Variants in TLR7 observed in about 807,000 individuals in gnomAD.
The protein encoded by TLR7 is toll like receptor 7, also known as toll-like receptor 7.
TLR7 carries 12 observed loss-of-function variants against 38.3 expected under a neutral mutation model. The observed-to-expected ratio is 0.31, with a 90% CI of 0.20 to 0.51. The LOEUF is 0.51. Ranked by LOEUF, TLR7 falls within the 20% of genes least tolerant of loss-of-function variation. The probability of loss-of-function intolerance (pLI) is 0.98; values close to 1 mark genes in which losing one functional copy is unlikely to be tolerated. For synonymous variants in TLR7, 285 were observed against 293.8 expected, an observed-to-expected ratio of 0.97 and a Z score of 0.31; for missense variants, 504 against 743.4, an observed-to-expected ratio of 0.68 and a Z score of 3.74.
rs2042915637 is a variant in TLR7 at position 12,887,512 on chromosome X, A to G, written c.2004A>G (p.Gly668=). Residue 668 remains glycine (G), a synonymous_variant, in exon 3 of 3, where the codon GGA becomes GGG. Transcript: ENST00000380659. ...SKNSLSFLPS[G]VFDGMPPNLK... is the part of the protein sequence containing the mutation. Reference sequence around the variant, plus strand: ...ATTCCCTAAGTTTCTTGCCTTCTGGAGTTTTTGATGGTATGCCTCCAAATC... The same window carrying G: ...ATTCCCTAAGTTTCTTGCCTTCTGGGGTTTTTGATGGTATGCCTCCAAATC... The G allele has an allele frequency of 3.3e-6, 4 of 1,211,355 alleles. No individual in the cohort carries two copies. The highest frequency in any genetic ancestry group is 3.5e-5 in the African/African-American group (2 of 57,830).
At chrX:12,873,885 T>G (rs974377866) in intron 2 of TLR7, among the ~76,000 whole-genome samples, 1 of 112,696 alleles carries the variant, frequency 8.9e-6, no homozygotes, top group African/African-American at 3.2e-5. Context: ...TCTACCACAT[T>G]CTTTTTAAGG....
intron 2 of TLR7, among the ~76,000 whole-genome samples, chrX:12,881,527 C>G (rs2042892047): frequency 1.0e-5 from 1 of 100,156 alleles, no homozygotes; most frequent in Admixed American, 1.1e-4. Context: ...GTTATTTATT[C>G]TTTTTAATAA....
In TLR7 at chrX:12,888,496, G is replaced by A. The variant is rs1196970340; in HGVS notation, c.2988G>A (p.Gln996=). 8.3e-7 allele frequency: 1 copy of A among 1,210,047 alleles called. No homozygotes were observed. ...IILIFLEKPF[Q]KSKFLQLRKR... is the part of the protein sequence containing the mutation. ...TGATATTTCTTGAGAAGCCCTTTCA[G>A]AAGTCCAAGTTCCTCCAGCTCCGGA... Residue 996 remains glutamine, a synonymous_variant, in exon 3 of 3, where the codon CAG becomes CAA. Transcript: ENST00000380659.
rs201804650 is a variant in TLR7 at position 12,886,362 on chromosome X, C to T, written c.854C>T (p.Ala285Val). The change falls in exon 3 of 3, where the codon GCT becomes GTT. Residue 285 changes from alanine to valine, a missense_variant. Transcript: ENST00000380659. ...NNSPLQIPVNAFDALTELKVL... is the reference protein window; with the variant it reads ...NNSPLQIPVNVFDALTELKVL... ...TCTCCCCTACAGATCCCTGTAAATGCTTTTGATGCGCTGACAGAATTAAAA... is the reference window on the plus strand; with the variant it reads ...TCTCCCCTACAGATCCCTGTAAATGTTTTTGATGCGCTGACAGAATTAAAA... 8.3e-7 allele frequency: 1 copy of T among 1,211,954 alleles called. No individual in the cohort carries two copies. The highest frequency in any genetic ancestry group is 1.1e-6 in the Non-Finnish European group (1 of 895,569).
At position 12,886,508 on chromosome X, in the gene TLR7, A is replaced by G. The variant is rs200463301; in HGVS notation, c.1000A>G (p.Lys334Glu). The G allele has an allele frequency of 1.1e-5, 13 of 1,210,388 alleles. No homozygotes were observed. The highest frequency in any genetic ancestry group is 3.5e-5 in the African/African-American group (2 of 57,317). ...NFLAKEIGDA[K>E]FLHFLPSLIQ... is the part of the protein sequence containing the mutation. ...CTTGGCCAAAGAAATTGGGGATGCT[A>G]AATTTCTGCATTTTCTCCCCAGCCT... Residue 334 changes from lysine (K) to glutamate (E), a missense_variant, in exon 3 of 3, where the codon AAA becomes GAA. By Grantham distance (56) the Lys-to-Glu change is moderately conservative. Coordinates refer to ENST00000380659, the MANE Select transcript of TLR7 (RefSeq NM_016562.4).
chrX:12,874,504 A>G (rs1294496829), intron 2 of TLR7, among the ~76,000 whole-genome samples: 1 of 110,550 alleles, frequency 9.0e-6, no homozygotes, highest in Non-Finnish European at 1.9e-5. Context: ...GGTTATGAAG[A>G]CTCCCAGCTG....
chrX:12,883,512 T>C (rs2042899520), intron 2 of TLR7, among the ~76,000 whole-genome samples: 1 of 111,506 alleles, frequency 9.0e-6, no homozygotes, highest in Non-Finnish European at 1.9e-5. Context: ...GCTCATACTG[T>C]AAAAAATAAA....
Position 12,888,689 on chromosome X carries a change from T to C in TLR7, c.*31T>C. On this transcript the variant is annotated 3_prime_UTR_variant, in exon 3 of 3. Coordinates refer to ENST00000380659, the MANE Select transcript of TLR7 (RefSeq NM_016562.4). ...CTTTGCAAAACACAACTGCCTAGTT[T>C]ACCAAGGAGAGGCCTGGCTGTTTAA... The C allele has an allele frequency of 8.6e-7, 1 of 1,157,868 alleles. No homozygotes were observed. The highest frequency in any genetic ancestry group is 1.2e-6 in the Non-Finnish European group (1 of 868,354).
chrX:12,879,620 C>T (rs1337545975), intron 2 of TLR7, among the ~76,000 whole-genome samples: 1 of 107,002 alleles, frequency 9.3e-6, no homozygotes, highest in Non-Finnish European at 1.9e-5. Flanking sequence ...ACAACATCCA[C>T]ATTACAAGAA....
chrX:12,881,295 T>C (rs2147243863), intron 2 of TLR7, among the ~76,000 whole-genome samples: 1 of 107,837 alleles, frequency 9.3e-6, no homozygotes, highest in Admixed American at 1.0e-4. Flanking sequence ...ACTGAAAGCT[T>C]TGTCCTAACT....
intron 2 of TLR7, among the ~76,000 whole-genome samples, chrX:12,875,388 A>T (rs753507024): frequency 8.9e-6 from 1 of 112,211 alleles, no homozygotes; most frequent in Admixed American, 9.5e-5. Context: ...TAGATTCTCA[A>T]TAATGTTTGT....
chrX:12,877,965 T>C (rs186924200), intron 2 of TLR7, among the ~76,000 whole-genome samples: 1 of 112,183 alleles, frequency 8.9e-6, no homozygotes, highest in East Asian at 2.8e-4. Context: ...TAGCTTGCAC[T>C]CACTATGTGG....
intron 2 of TLR7, among the ~76,000 whole-genome samples, chrX:12,871,825 C>G (rs931832212): frequency 9.0e-6 from 1 of 111,292 alleles, no homozygotes; most frequent in Non-Finnish European, 1.9e-5. Flanking sequence ...AGCAGGAAAT[C>G]CTTTCTTAAC....
At chrX:12,880,056 T>C in intron 2 of TLR7, among the ~76,000 whole-genome samples, 1 of 112,306 alleles carries the variant, frequency 8.9e-6, no homozygotes, top group Non-Finnish European at 1.9e-5. Flanking sequence ...TAATGGTCTT[T>C]CTACATTGTA....
intron 2 of TLR7, among the ~76,000 whole-genome samples, chrX:12,880,797 C>T (rs141988820): frequency 0.027 from 3,064 of 111,450 alleles, 44 homozygotes; most frequent in Non-Finnish European, 0.041. Context: ...AGACATCATA[C>T]GAATAAGCAA....
intron 2 of TLR7, among the ~76,000 whole-genome samples, chrX:12,868,002 C>T (rs908760344): frequency 1.2e-4 from 14 of 112,348 alleles, no homozygotes; most frequent in Non-Finnish European, 2.3e-4. Flanking sequence ...CAATAAAATA[C>T]GGGAAATCCC....
Position 12,888,412 on chromosome X carries a change from G to C in TLR7, c.2904G>C (p.Lys968Asn). ...AGTATGCAAAGACTGAAAATTTTAA[G>C]ATAGCATTTTACTTGTCCCATCAGA... ...TDKYAKTENFKIAFYLSHQRL... is the reference protein window; with the variant it reads ...TDKYAKTENFNIAFYLSHQRL... Residue 968 changes from lysine to asparagine, a missense_variant, in exon 3 of 3, where the codon AAG becomes AAC. Coordinates refer to ENST00000380659, the MANE Select transcript of TLR7 (RefSeq NM_016562.4). 8.3e-7 allele frequency: 1 copy of C among 1,211,982 alleles called. No homozygotes were observed. Among genetic ancestry groups the C allele is most frequent in the South Asian group, 1.8e-5 (1 of 56,987 alleles).
intron 2 of TLR7, among the ~76,000 whole-genome samples, chrX:12,878,243 G>A (rs1438287977): frequency 8.9e-6 from 1 of 112,077 alleles, no homozygotes; most frequent in Non-Finnish European, 1.9e-5. Flanking sequence ...CTAATTCCAT[G>A]CACAAGTTTA....
intron 2 of TLR7, among the ~76,000 whole-genome samples, chrX:12,875,125 T>C (rs2042866060): frequency 9.0e-6 from 1 of 110,659 alleles, no homozygotes; most frequent in South Asian, 3.8e-4. Context: ...CCTTGAAGAG[T>C]TGTTTATTCA....
Sources: allele counts gnomAD v4.1 joint callset (sites outside exome capture counted in the v4.1 genomes callset), GRCh38; gene constraint gnomAD v4.1.1; transcripts MANE v1.5; gene names NCBI Gene and HGNC (gene_info 2026-07-23, HGNC 2026-07-21).